The following NRAS variants were observed in gnomAD, a reference collection of about 807,000 sequenced individuals.
NRAS encodes the protein GTPase NRas.
A neutral mutation model predicts 21.3 loss-of-function variants in NRAS; 6 were observed. The ratio of observed to expected loss-of-function variants is 0.28; its 90% confidence interval spans 0.15 to 0.56. The LOEUF is 0.56. Among genes scored for constraint, NRAS ranks in the 20% least tolerant of loss-of-function variants. NRAS has a pLI of 0.93. For missense variants in NRAS, 143 were observed against 231.3 expected (o/e 0.62, Z 2.48); for synonymous variants, 84 against 82.0 (o/e 1.02, Z -0.13).
chr1:114,713,866 C>A lies in NRAS; in HGVS notation c.224G>T (p.Gly75Val), dbSNP rs2101741880. The change falls in exon 3 of 7, where the codon GGC becomes GTC. Residue 75 changes from glycine (G) to valine (V), a missense_variant. Transcript: ENST00000369535. ...SAMRDQYMRT[G>V]EGFLCVFAIN... ...GGCAAATACACAGAGGAAGCCTTCG[C>A]CTGTCCTCATGTATTGGTCTCTCAT... 6.2e-7 allele frequency: 1 copy of A among 1,613,764 alleles called. No homozygotes were observed. The highest frequency in any genetic ancestry group is 8.5e-7 in the Non-Finnish European group (1 of 1,179,698).
At chr1:114,711,605 CAA>C (rs371081462) in intron 3 of NRAS, among the ~76,000 whole-genome samples, 10,496 of 59,300 alleles carry the variant, frequency 0.18, 607 homozygotes, top group African/African-American at 0.4. Flanking sequence ...AACTCCGTCT[CAA>C]AAAAAAAAAA....
intron 3 of NRAS, among the ~76,000 whole-genome samples, chr1:114,711,610 A>G (rs944530262): frequency 9.5e-6 from 1 of 104,960 alleles, no homozygotes; most frequent in African/African-American, 4.1e-5. Flanking sequence ...CGTCTCAAAA[A>G]AAAAAAAACA....
intron 3 of NRAS, among the ~76,000 whole-genome samples, chr1:114,711,110 C>T (rs532688265): frequency 6.6e-6 from 1 of 151,898 alleles, no homozygotes; most frequent in Admixed American, 6.6e-5. Flanking sequence ...CCGAGACCAG[C>T]CTGGGCAACA....
chr1:114,714,903 T>C (rs1659120473), intron 2 of NRAS, among the ~76,000 whole-genome samples: 1 of 152,262 alleles, frequency 6.6e-6, no homozygotes, highest in Non-Finnish European at 1.5e-5. Context: ...GTGGCTACAT[T>C]AGAGTTAGTT....
intron 2 of NRAS, among the ~76,000 whole-genome samples, chr1:114,714,369 C>G (rs1377836411): frequency 6.6e-6 from 1 of 152,190 alleles, no homozygotes; most frequent in Non-Finnish European, 1.5e-5. Context: ...TTAAAGAAAT[C>G]TAAACATACC....
At position 114,713,410 on chromosome 1, in the gene NRAS, C is replaced by T. The variant is rs146385035; in HGVS notation, c.290+390G>A. On this transcript the variant is annotated intron_variant, in intron 3 of 6. Coordinates refer to ENST00000369535, the MANE Select transcript of NRAS (RefSeq NM_002524.5). The stretch of plus-strand genomic sequence containing the variant: ...ACTCCTGGGCTGAAAGTGATCCTCC[C>T]GCCTTGGCCTCCCAAAGCACTGACA... Among the ~76,000 whole-genome samples the T allele has an allele frequency of 3.1e-3, 468 of 152,194 alleles. 3 individuals are homozygous for T. The highest frequency in any genetic ancestry group is 0.01 in the African/African-American group (436 of 41,530).
rs759993141 is a variant in NRAS, at chr1:114,706,137, G to C, written c.*1957C>G. ...ACTGTGAAAGCTCCCAGAATTAGCA[G>C]TAAGAAGCACAACTCTGCAGGTTCA... On this transcript the variant is annotated 3_prime_UTR_variant, in exon 7 of 7. Transcript: ENST00000369535. 2.6e-5 allele frequency: 4 copies of C among 152,216 alleles called. No individual in the cohort carries two copies. The highest frequency in any genetic ancestry group is 5.9e-5 in the Non-Finnish European group (4 of 68,046). 9.4% of individuals were successfully genotyped at this position (152,216 alleles called of 1,614,324 possible).
chr1:114,710,659 C>T (rs1445780277), intron 3 of NRAS, among the ~76,000 whole-genome samples: 1 of 152,030 alleles, frequency 6.6e-6, no homozygotes, highest in Non-Finnish European at 1.5e-5. Context: ...TTATGTAGCC[C>T]TATTAACTTG....
rs9724640 is a variant in NRAS, at chr1:114,708,988, C to T, written c.451-334G>A. 0.048 allele frequency among the ~76,000 whole-genome samples: 7,357 copies of T among 152,270 alleles called. 604 individuals carry two copies. The highest frequency in any genetic ancestry group is 0.17 in the African/African-American group (6,946 of 41,532). On this transcript the variant is annotated intron_variant, in intron 4 of 6. Transcript: ENST00000369535. ...TAAGCCATAAACGGGCTGGTGTTGA[C>T]AGAGAAATAACTAATGTTTATAAAT...
chr1:114,711,562 C>T, intron 3 of NRAS, among the ~76,000 whole-genome samples: 1 of 151,042 alleles, frequency 6.6e-6, no homozygotes, highest in Admixed American at 6.6e-5. Context: ...GATCGCACCA[C>T]CGTACTCCAT....
intron 2 of NRAS, among the ~76,000 whole-genome samples, chr1:114,714,215 T>C (rs991245280): frequency 2.0e-5 from 3 of 152,198 alleles, no homozygotes; most frequent in Non-Finnish European, 4.4e-5. Context: ...AAAAGAAATA[T>C]GGTCACTGTG....
intron 3 of NRAS, 66 bp from the exon 4 acceptor site, chr1:114,709,794 G>A (rs1658999593): frequency 1.5e-6 from 2 of 1,333,888 alleles, no homozygotes; most frequent in Non-Finnish European, 1.1e-6. Context: ...AGTGGCTCAT[G>A]CCTGCAATCT....
chr1:114,715,494 A>T (rs1659140171), intron 2 of NRAS, among the ~76,000 whole-genome samples: 1 of 152,180 alleles, frequency 6.6e-6, no homozygotes, highest in South Asian at 2.1e-4. Flanking sequence ...GGTAGGCAGG[A>T]CAAGTTTATG....
chr1:114,713,721 C>A, intron 3 of NRAS, 79 bp downstream of exon 3: 1 of 1,214,132 alleles, frequency 8.2e-7, no homozygotes. Context: ...TCTATCTTCC[C>A]TAGTGTGGTA....
intron 3 of NRAS, among the ~76,000 whole-genome samples, chr1:114,711,335 C>T (rs1048758536): frequency 3.3e-5 from 5 of 152,054 alleles, no homozygotes; most frequent in African/African-American, 2.4e-5. Context: ...CGGTGGTTCA[C>T]ACCTGTAATC....
Position 114,704,617 on chromosome 1 carries a change from G to A in NRAS, c.*3477C>T, listed in dbSNP as rs1207220807. 6.6e-6 allele frequency: 1 copy of A among 152,128 alleles called. No individual in the cohort carries two copies. Among genetic ancestry groups the A allele is most frequent in the Non-Finnish European group, 1.5e-5 (1 of 68,026 alleles). The allele number at this position is 152,128 out of a possible 1,614,324, so 9.4% of individuals were successfully genotyped here. On this transcript the variant is annotated 3_prime_UTR_variant, in exon 7 of 7. Coordinates refer to ENST00000369535, the MANE Select transcript of NRAS (RefSeq NM_002524.5). ...ATCGGCCCTTCCATTTAGGGCCAAG[G>A]AGGCCAATAGTTCCTGTTTAAACAG...
intron 2 of NRAS, 29 bp downstream of exon 2, chr1:114,716,021 C>T (rs2101743882): frequency 7.9e-7 from 1 of 1,259,500 alleles, no homozygotes; most frequent in Non-Finnish European, 1.2e-6. Flanking sequence ...GAGACAGGAT[C>T]AGGTCAGCGG....
Position 114,708,436 on chromosome 1 carries a change from T to A in NRAS, c.*4+95A>T, listed in dbSNP as rs142903274. Reference sequence around the variant, plus strand: ...TGTGCAGAAGAGGATAGGCAGAAACTCAAAAAACATATAGACAATAACACC... The same window carrying A: ...TGTGCAGAAGAGGATAGGCAGAAACACAAAAAACATATAGACAATAACACC... On this transcript the variant is annotated intron_variant, in intron 5 of 6. Coordinates refer to ENST00000369535, the MANE Select transcript of NRAS (RefSeq NM_002524.5). 2.5e-6 allele frequency: 3 copies of A among 1,197,934 alleles called. No homozygotes were observed. In the East Asian group the frequency reaches 7.0e-5, roughly 28 times the overall value. 74.2% of individuals were successfully genotyped at this position (1,197,934 alleles called of 1,614,324 possible). A position where few individuals can be genotyped will look rare whatever the true frequency, so the allele number is the denominator to read the frequency against.
chr1:114,715,024 A>G (rs956983376), intron 2 of NRAS, among the ~76,000 whole-genome samples: 6 of 152,100 alleles, frequency 3.9e-5, no homozygotes, highest in Admixed American at 1.3e-4. Context: ...CCCTTTATTT[A>G]TTTATCTATT....
Sources: allele counts gnomAD v4.1 joint callset (sites outside exome capture counted in the v4.1 genomes callset), GRCh38; gene constraint gnomAD v4.1.1; transcripts MANE v1.5; gene names NCBI Gene and HGNC (gene_info 2026-07-23, HGNC 2026-07-21).